SV2B: variants seen among roughly 807,000 people sequenced by gnomAD.
The protein encoded by SV2B is solute carrier family 22 member B2.
Under a neutral mutation model 73.9 loss-of-function variants are expected in SV2B, and 41 were observed. The observed-to-expected ratio is 0.56, with a 90% CI of 0.43 to 0.72. The LOEUF (loss-of-function observed/expected upper bound fraction) is 0.72. SV2B is among the 30% of genes least tolerant of loss of function. SV2B has a pLI of 0.00. For synonymous variants in SV2B, 314 were observed against 314.2 expected (o/e 1.00, Z 0.01); for missense variants, 764 against 857.8 (o/e 0.89, Z 1.37).
chr15:91,168,585 C>T (rs1415975937), intron 1 of SV2B, among the ~76,000 whole-genome samples: 1 of 152,096 alleles, frequency 6.6e-6, no homozygotes, highest in African/African-American at 2.4e-5. Flanking sequence ...GAAAGTTTCT[C>T]TTGGAGATTT....
rs765810275 is a variant in SV2B, at chr15:91,284,263, G to A, written c.1708+42G>A. ...GTCATTCCTGGGTTCCAACGCGCTG[G>A]GGTGGTGACTTTCAAGTGTATTAAA... On this transcript the variant is annotated intron_variant, in intron 11 of 12. Coordinates refer to ENST00000394232, the MANE Select transcript of SV2B (RefSeq NM_001323032.3). The surrounding 1 kb of genome is among the most constrained non-coding windows in gnomAD (Gnocchi z 4.5). 7.5e-6 allele frequency: 12 copies of A among 1,602,774 alleles called. No homozygotes were observed. Among genetic ancestry groups the A allele is most frequent in the Non-Finnish European group, 9.4e-6 (11 of 1,170,566 alleles).
chr15:91,284,251 T>A lies in SV2B; in HGVS notation c.1708+30T>A. 1 of 1,611,222 alleles carries A rather than the reference T, an allele frequency of 6.2e-7. No homozygotes were observed. Among genetic ancestry groups the A allele is most frequent in the Non-Finnish European group, 8.5e-7 (1 of 1,177,644 alleles). ...GTTGCCAGCAGGGTCATTCCTGGGT[T>A]CCAACGCGCTGGGGTGGTGACTTTC... On this transcript the variant is annotated intron_variant, in intron 11 of 12. Transcript: ENST00000394232. The surrounding 1 kb of genome is among the most constrained non-coding windows in gnomAD (Gnocchi z 4.5).
rs1252890042 is a variant in SV2B at position 91,128,656 on chromosome 15, TC to T, written c.-392+28296del. The T allele has an allele frequency of 2.0e-5, 3 of 152,312 alleles. No individual in the cohort carries two copies. The East Asian group carries it at 5.8e-4, about 29-fold the overall frequency. 9.4% of individuals were successfully genotyped at this position (152,312 alleles called of 1,614,324 possible). A position where few individuals can be genotyped will look rare whatever the true frequency, so the allele number is the denominator to read the frequency against. On this transcript the variant is annotated intron_variant, in intron 1 of 12. Transcript: ENST00000394232. This position sits in a 1 kb window ranked among gnomAD's most constrained non-coding sequence, Gnocchi z 4.2. Reference sequence around the variant, plus strand: ...AAAACCTAAAAATACTACTCCCACTTCCCTCTGCCTTTCTGTGTAAAACCTG... The same window carrying T: ...AAAACCTAAAAATACTACTCCCACTTCCTCTGCCTTTCTGTGTAAAACCTG...
chr15:91,257,653 C>T (rs544927476), intron 4 of SV2B, among the ~76,000 whole-genome samples: 2 of 152,162 alleles, frequency 1.3e-5, no homozygotes, highest in Non-Finnish European at 2.9e-5. Flanking sequence ...GCTGGAATCA[C>T]CTGGAGCTGG....
At position 91,128,179 on chromosome 15, in the gene SV2B, G is replaced by A. The variant is rs1039876850; in HGVS notation, c.-392+27816G>A. Reference sequence around the variant, plus strand: ...TCCCATCACCAACTCAGCTCTTTGTGTAGCGGAGATTTTCAGTCCCTCCTG... The same window carrying A: ...TCCCATCACCAACTCAGCTCTTTGTATAGCGGAGATTTTCAGTCCCTCCTG... On this transcript the variant is annotated intron_variant, in intron 1 of 12. Coordinates refer to ENST00000394232, the MANE Select transcript of SV2B (RefSeq NM_001323032.3). The surrounding 1 kb of genome is among the most constrained non-coding windows in gnomAD (Gnocchi z 4.2). Among the ~76,000 whole-genome samples, 2 of 152,156 alleles carry A rather than the reference G, an allele frequency of 1.3e-5. No individual in the cohort carries two copies. The highest frequency in any genetic ancestry group is 4.8e-5 in the African/African-American group (2 of 41,438).
chr15:91,107,497 G>C (rs763626923), intron 1 of SV2B, among the ~76,000 whole-genome samples: 1 of 151,928 alleles, frequency 6.6e-6, no homozygotes, highest in South Asian at 2.1e-4. Context: ...ATTTTTAGTA[G>C]AGACGGGGTT....
At chr15:91,163,844 T>A (rs1167475734) in intron 1 of SV2B, among the ~76,000 whole-genome samples, 1 of 152,226 alleles carries the variant, frequency 6.6e-6, no homozygotes, top group Non-Finnish European at 1.5e-5. Context: ...TGCCCATACC[T>A]ATGTCCTGAA....
chr15:91,251,867 G>A lies in SV2B; in HGVS notation c.500G>A (p.Gly167Asp). The A allele has an allele frequency of 1.2e-6, 2 of 1,614,140 alleles. No individual in the cohort carries two copies. The highest frequency in any genetic ancestry group is 1.7e-6 in the Non-Finnish European group (2 of 1,180,026). Residue 167 changes from glycine (G) to aspartate (D), a missense_variant, in exon 3 of 13, where the codon GGC becomes GAC. Coordinates refer to ENST00000394232, the MANE Select transcript of SV2B (RefSeq NM_001323032.3). ...GMMAGAFILG[G>D]LADKLGRKRV... Reference sequence around the variant, plus strand: ...ATGGCGGGCGCCTTCATCCTGGGAGGCCTGGCTGATAAGCTGGGAAGGAAG... The same window carrying A: ...ATGGCGGGCGCCTTCATCCTGGGAGACCTGGCTGATAAGCTGGGAAGGAAG...
chr15:91,184,178 T>A (rs1000845372), intron 1 of SV2B, among the ~76,000 whole-genome samples: 2 of 152,234 alleles, frequency 1.3e-5, no homozygotes, highest in Middle Eastern at 6.8e-3. Flanking sequence ...TCCCGTTAAA[T>A]AGAGTCCCCA....
chr15:91,159,023 G>T (rs1232789067), intron 1 of SV2B, among the ~76,000 whole-genome samples: 1 of 152,058 alleles, frequency 6.6e-6, no homozygotes, highest in Non-Finnish European at 1.5e-5. Flanking sequence ...GGGCTTGGGA[G>T]ACAGGGTGGC....
At chr15:91,181,395 C>T (rs889412973) in intron 1 of SV2B, among the ~76,000 whole-genome samples, 21 of 152,038 alleles carry the variant, frequency 1.4e-4, no homozygotes, top group Non-Finnish European at 2.5e-4. Flanking sequence ...TCTCCAGCTG[C>T]GTGCTGGGAG....
intron 1 of SV2B, among the ~76,000 whole-genome samples, chr15:91,134,363 A>G (rs1393731646): frequency 6.6e-6 from 1 of 152,132 alleles, no homozygotes; most frequent in Non-Finnish European, 1.5e-5. Flanking sequence ...ATTTTCTGAT[A>G]AGGATGTTGC....
At chr15:91,189,716 C>T (rs1262304410) in intron 1 of SV2B, among the ~76,000 whole-genome samples, 4 of 152,152 alleles carry the variant, frequency 2.6e-5, no homozygotes, top group African/African-American at 9.7e-5. Context: ...CAGCCGGGCG[C>T]GGTGGCTCAC....
At chr15:91,175,411 T>A (rs920734248) in intron 1 of SV2B, among the ~76,000 whole-genome samples, 1 of 152,052 alleles carries the variant, frequency 6.6e-6, no homozygotes, top group Admixed American at 6.5e-5. Flanking sequence ...TGTGCCATCA[T>A]GCCCAGATAA....
rs1173720407 is a variant in SV2B at position 91,226,294 on chromosome 15, G to A, written c.31G>A (p.Gly11Arg). ...TGACTACAAGTATCAGGACAATTATGGGGGCTATGCTCCCAGTGATGGCTA... is the reference window on the plus strand; with the variant it reads ...TGACTACAAGTATCAGGACAATTATAGGGGCTATGCTCCCAGTGATGGCTA... The part of the protein sequence containing the change: MDDYKYQDNY[G>R]GYAPSDGYYR... Residue 11 changes from glycine to arginine, a missense_variant, in exon 2 of 13, where the codon GGG becomes AGG. Coordinates refer to ENST00000394232, the MANE Select transcript of SV2B (RefSeq NM_001323032.3). The A allele has an allele frequency of 6.2e-7, 1 of 1,614,144 alleles. No homozygotes were observed. The highest frequency in any genetic ancestry group is 2.2e-5 in the East Asian group (1 of 44,874).
At position 91,167,097 on chromosome 15, in the gene SV2B, G is replaced by A. The variant is rs138300214; in HGVS notation, c.-391-58776G>A. ...CAAAGTGCTGGGATTACAGGCGTGA[G>A]CCACCGCGCCCGGCCGTATAGTTTT... On this transcript the variant is annotated intron_variant, in intron 1 of 12. Coordinates refer to ENST00000394232, the MANE Select transcript of SV2B (RefSeq NM_001323032.3). Among the ~76,000 whole-genome samples the A allele has an allele frequency of 3.7e-3, 562 of 152,272 alleles. 7 individuals are homozygous for A. The highest frequency in any genetic ancestry group is 0.013 in the African/African-American group (526 of 41,564).
intron 1 of SV2B, among the ~76,000 whole-genome samples, chr15:91,169,308 C>T (rs1347254855): frequency 6.6e-6 from 1 of 152,122 alleles, no homozygotes; most frequent in Non-Finnish European, 1.5e-5. Context: ...CTTTAAGAAC[C>T]TGGGCTAGGT....
chr15:91,184,451 T>C (rs2044698594), intron 1 of SV2B, among the ~76,000 whole-genome samples: 1 of 152,222 alleles, frequency 6.6e-6, no homozygotes, highest in African/African-American at 2.4e-5. Flanking sequence ...TGATGAATAA[T>C]TGTCAGTTGT....
At chr15:91,193,990 T>C (rs1403438062) in intron 1 of SV2B, among the ~76,000 whole-genome samples, 1 of 151,824 alleles carries the variant, frequency 6.6e-6, no homozygotes, top group Non-Finnish European at 1.5e-5. Context: ...CACCAGGGTA[T>C]AGAGGTTTTT....
Sources: allele counts gnomAD v4.1 joint callset (sites outside exome capture counted in the v4.1 genomes callset), GRCh38; gene constraint gnomAD v4.1.1; non-coding constraint Gnocchi (gnomAD v3.1); transcripts MANE v1.5; gene names NCBI Gene and HGNC (gene_info 2026-07-23, HGNC 2026-07-21).